Variants in MYOF observed in about 807,000 individuals in gnomAD.
MYOF encodes fer-1-like 3, myoferlin.
A neutral mutation model predicts 284.2 loss-of-function variants in MYOF; 244 were observed. The observed-to-expected ratio is 0.86, with a 90% CI of 0.77 to 0.95. The LOEUF is 0.95. Ranked by LOEUF, MYOF falls within the 40% of genes least tolerant of loss-of-function variation. The probability of loss-of-function intolerance (pLI) is 0.00; values close to 1 mark genes in which losing one functional copy is unlikely to be tolerated. For missense variants in MYOF, 2,496 were observed against 2,560.6 expected, an observed-to-expected ratio of 0.97 and a Z score of 0.54; for synonymous variants, 904 against 919.7, an observed-to-expected ratio of 0.98 and a Z score of 0.31.
intron 5 of MYOF, among the ~76,000 whole-genome samples, chr10:93,413,558 C>T (rs1847991397): frequency 6.6e-6 from 1 of 152,192 alleles, no homozygotes; most frequent in Non-Finnish European, 1.5e-5. Flanking sequence ...AGTGGATCTA[C>T]AAAGAGCAAC....
intron 48 of MYOF, among the ~76,000 whole-genome samples, chr10:93,322,777 C>T (rs143307398): frequency 1.5e-3 from 221 of 152,254 alleles, no homozygotes; most frequent in Middle Eastern, 3.4e-3. Context: ...ATGGCTAAAA[C>T]GTCCCAGAAA....
rs931438700 is a variant in MYOF at position 93,401,502 on chromosome 10, T to C, written c.1033A>G (p.Ser345Gly). The C allele has an allele frequency of 3.7e-6, 6 of 1,613,992 alleles. No individual in the cohort carries two copies. The African/African-American group carries it at 4.0e-5, about 11-fold the overall frequency. Reference protein sequence around the residue: ...DRDNDSDDVESNLLLPAGIAL... With the variant: ...DRDNDSDDVEGNLLLPAGIAL... The stretch of plus-strand genomic sequence containing the variant: ...ATGCCAGCAGGGAGTAACAAATTAC[T>C]CTCCACATCATCACTGTCATTATCA... Residue 345 changes from serine to glycine, a missense_variant, in exon 12 of 54, where the codon AGT (serine) becomes GGT (glycine). Ser to Gly is a moderately conservative substitution (Grantham distance 56). This residue lies in a region of MYOF where 2,436 missense variants were observed against 2,480.7 expected (regional missense o/e 0.98). Coordinates refer to ENST00000359263, the MANE Select transcript of MYOF (RefSeq NM_013451.4).
At chr10:93,396,272 C>T in intron 15 of MYOF, 48 bp from the exon 16 acceptor site, 1 of 1,328,686 alleles carries the variant, frequency 7.5e-7, no homozygotes, top group Admixed American at 2.2e-5. Context: ...AGGTTCAGAG[C>T]TCCATCTAGG....
chr10:93,463,164 C>T (rs548325735), intron 1 of MYOF, among the ~76,000 whole-genome samples: 3 of 152,216 alleles, frequency 2.0e-5, no homozygotes, highest in South Asian at 4.1e-4. Flanking sequence ...ACAAGGTTTC[C>T]GGGAGAACTG....
intron 22 of MYOF, among the ~76,000 whole-genome samples, chr10:93,376,527 T>C (rs1845842750): frequency 6.6e-6 from 1 of 152,082 alleles, no homozygotes; most frequent in South Asian, 2.1e-4. Context: ...CAGCAGTACT[T>C]TGATTTTGGT....
intron 19 of MYOF, among the ~76,000 whole-genome samples, chr10:93,384,613 C>T (rs1335225175): frequency 6.7e-6 from 1 of 150,008 alleles, no homozygotes; most frequent in Non-Finnish European, 1.5e-5. Flanking sequence ...CATTGCACTC[C>T]AGCCTGGGCA....
At chr10:93,364,261 G>C (rs769993977) in intron 26 of MYOF, among the ~76,000 whole-genome samples, 186 bp from the exon 27 acceptor site, 5 of 152,214 alleles carry the variant, frequency 3.3e-5, no homozygotes, top group Admixed American at 6.5e-5. Context: ...TTTGAAGAAA[G>C]AGCCTGCTGG....
intron 20 of MYOF, 119 bp downstream of exon 20, chr10:93,381,100 C>T: frequency 8.9e-7 from 1 of 1,129,342 alleles, no homozygotes; most frequent in Non-Finnish European, 1.3e-6. Flanking sequence ...TCAACCTTTT[C>T]CTTTCCACTA....
Position 93,336,032 on chromosome 10 carries a change from T to C in MYOF, c.4452A>G (p.Glu1484=). 2 of 1,613,918 alleles carry C rather than the reference T, an allele frequency of 1.2e-6. No individual in the cohort carries two copies. The highest frequency in any genetic ancestry group is 1.7e-6 in the Non-Finnish European group (2 of 1,179,928). The change falls in exon 41 of 54, where the codon GAA becomes GAG. Residue 1484 remains glutamate, a synonymous_variant. Transcript: ENST00000359263. The part of the protein sequence containing the change: ...GYSKLKIYNC[E]LENVAEFEGL... ...CCTCAAATTCTGCTACATTTTCTAG[T>C]TCACAATTATATATCTGAAAACCAC...
In MYOF at chr10:93,316,589, T is replaced by TC. The variant is rs1842621722; in HGVS notation, c.5698+124dup. On this transcript the variant is annotated intron_variant, in intron 50 of 53. Transcript: ENST00000359263. ...ACACAAGCACTGGGTGTATCCCCTG[T>TC]CCCCCCACCAGGCCCCCATTACCAA... is the stretch of plus-strand genomic sequence containing the variant. 8.7e-6 allele frequency: 7 copies of TC among 802,554 alleles called. No individual in the cohort carries two copies. The South Asian group carries it at 9.8e-5, about 11-fold the overall frequency. 49.7% of individuals were successfully genotyped at this position (802,554 alleles called of 1,614,324 possible).
intron 3 of MYOF, among the ~76,000 whole-genome samples, chr10:93,443,890 T>C (rs1438021617): frequency 6.6e-6 from 1 of 152,194 alleles, no homozygotes; most frequent in Non-Finnish European, 1.5e-5. Context: ...CTTGCCCAGG[T>C]CACCCACTAG....
At chr10:93,388,026 C>T (rs972399301) in intron 18 of MYOF, 113 bp from the exon 19 acceptor site, 3 of 778,570 alleles carry the variant, frequency 3.9e-6, no homozygotes, top group Non-Finnish European at 6.6e-6. Flanking sequence ...ATGGCCCTAA[C>T]CTTCGAAATG....
chr10:93,340,195 G>C (rs368901185), intron 38 of MYOF, 31 bp from the exon 39 acceptor site: 1 of 1,613,604 alleles, frequency 6.2e-7, no homozygotes, highest in Non-Finnish European at 8.5e-7. Flanking sequence ...TGAGGAAGAG[G>C]GCAAACCATA....
chr10:93,320,386 C>CTGAT (rs1260816402), intron 48 of MYOF, among the ~76,000 whole-genome samples: 4 of 152,224 alleles, frequency 2.6e-5, no homozygotes, highest in African/African-American at 9.6e-5. Context: ...TTCAGCACTG[C>CTGAT]TGATAGGTTA....
At chr10:93,391,502 G>A (rs1846673587) in intron 17 of MYOF, among the ~76,000 whole-genome samples, 1 of 152,122 alleles carries the variant, frequency 6.6e-6, no homozygotes, top group Admixed American at 6.5e-5. Flanking sequence ...GGCTGGGCCA[G>A]GAGAATCACT....
intron 4 of MYOF, among the ~76,000 whole-genome samples, chr10:93,427,301 G>C (rs1450463817): frequency 1.3e-5 from 2 of 151,888 alleles, no homozygotes; most frequent in Non-Finnish European, 2.9e-5. Context: ...GGGAGGCCAA[G>C]GTGGGTGGAT....
At chr10:93,389,286 T>A in intron 17 of MYOF, 132 bp from the exon 18 acceptor site, 1 of 998,106 alleles carries the variant, frequency 1.0e-6, no homozygotes, top group African/African-American at 1.7e-5. Context: ...ATGCAAGTTG[T>A]AAGCACCATG....
At chr10:93,311,808 A>T (rs1842405720) in intron 51 of MYOF, among the ~76,000 whole-genome samples, 1 of 152,188 alleles carries the variant, frequency 6.6e-6, no homozygotes, top group African/African-American at 2.4e-5. Flanking sequence ...CATCTCTCCA[A>T]GACTGTTTTT....
chr10:93,400,723 C>T (rs1847246888), intron 12 of MYOF, among the ~76,000 whole-genome samples: 2 of 152,126 alleles, frequency 1.3e-5, no homozygotes, highest in African/African-American at 2.4e-5. Context: ...GGGATAACCA[C>T]ACTAGTTCCT....
Sources: gnomAD v4.1 joint callset for allele counts (sites outside exome capture counted in the v4.1 genomes callset) on GRCh38, gnomAD v4.1.1 for gene constraint, gnomAD v4.1.1 regional missense constraint, MANE v1.5 for transcripts, NCBI Gene and HGNC (gene_info 2026-07-23, HGNC 2026-07-21) for gene names.